The following ANK2 variants were observed in gnomAD, a reference collection of about 807,000 sequenced individuals.
ANK2 encodes ankyrin 2, also known as ankyrin-2.
Under a neutral mutation model 360.5 loss-of-function variants are expected in ANK2, and 83 were observed. The observed-to-expected ratio is 0.23, with a 90% confidence interval of 0.19 to 0.28. The LOEUF (loss-of-function observed/expected upper bound fraction) is 0.28, where lower values mean the gene tolerates loss of function less well. ANK2 is among the 10% of genes least tolerant of loss of function. ANK2 has a pLI of 1.00. For synonymous variants in ANK2, 1,740 were observed against 1,759.5 expected, an observed-to-expected ratio of 0.99 and a Z score of 0.28; for missense variants, 4,201 against 4,795.7, an observed-to-expected ratio of 0.88 and a Z score of 3.66.
chr4:112,742,150 C>T, the ANK2 span, among the ~76,000 whole-genome samples: 1 of 152,032 alleles, frequency 6.6e-6, no homozygotes, highest in Non-Finnish European at 1.5e-5. Context: ...GGCAGGGTGG[C>T]ATGTACCTTA....
intron 2 of ANK2, 59 bp downstream of exon 2, chr4:113,174,576 A>G (rs1383272977): frequency 2.2e-5 from 27 of 1,222,602 alleles, no homozygotes; most frequent in Non-Finnish European, 3.2e-5. Context: ...TTACATTCTC[A>G]GAGCCCAAGA....
chr4:113,332,717 T>C (rs1235135350), intron 28 of ANK2, among the ~76,000 whole-genome samples: 3 of 152,252 alleles, frequency 2.0e-5, no homozygotes, highest in Non-Finnish European at 4.4e-5. Flanking sequence ...GAAAATGTTT[T>C]AGGAGATTGG....
At chr4:112,716,979 C>T in the ANK2 span, among the ~76,000 whole-genome samples, 27 of 152,154 alleles carry the variant, frequency 1.8e-4, no homozygotes, top group Non-Finnish European at 1.8e-4. Flanking sequence ...TCAAGTGCTA[C>T]ATCTGGAATT....
the ANK2 span, among the ~76,000 whole-genome samples, chr4:112,757,087 C>A: frequency 6.6e-6 from 1 of 151,562 alleles, no homozygotes; most frequent in East Asian, 1.9e-4. Context: ...TCATTTCTCT[C>A]AATGACAGCA....
At chr4:112,830,363 C>T (rs1480764311) in intron 1 of ANK2, among the ~76,000 whole-genome samples, 8 of 152,090 alleles carry the variant, frequency 5.3e-5, no homozygotes, top group Non-Finnish European at 1.0e-4. Flanking sequence ...TAGATGGAGC[C>T]GGAGGCCATT....
At chr4:112,829,940 C>G (rs1162347671) in intron 1 of ANK2, among the ~76,000 whole-genome samples, 1 of 150,500 alleles carries the variant, frequency 6.6e-6, no homozygotes, top group Non-Finnish European at 1.5e-5. Context: ...GCCTGGATAA[C>G]AGAGTAAGAC....
intron 2 of ANK2, among the ~76,000 whole-genome samples, chr4:112,994,289 C>A (rs1467858206): frequency 6.6e-6 from 1 of 152,172 alleles, no homozygotes; most frequent in Non-Finnish European, 1.5e-5. Context: ...AACATTTTTA[C>A]AGATTCTATA....
Position 113,066,416 on chromosome 4 carries a change from G to A in ANK2, c.84+16604G>A, listed in dbSNP as rs78037372. Among the ~76,000 whole-genome samples, 437 of 152,208 alleles carry A rather than the reference G, an allele frequency of 2.9e-3. 9 individuals are homozygous for A. In the South Asian group the frequency reaches 0.05, roughly 17 times the overall value. The stretch of plus-strand genomic sequence containing the variant: ...GAATGCCTTTTAATGACCAGACACC[G>A]TGCCAAATACAAGATACAAAAATGA... On this transcript the variant is annotated intron_variant, in intron 1 of 45. Coordinates refer to ENST00000357077, the MANE Select transcript of ANK2 (RefSeq NM_001148.6).
At chr4:113,097,571 C>G (rs2091619947) in intron 1 of ANK2, among the ~76,000 whole-genome samples, 1 of 151,998 alleles carries the variant, frequency 6.6e-6, no homozygotes, top group Non-Finnish European at 1.5e-5. Context: ...AAAGCTACTG[C>G]TTTTGGTACA....
chr4:113,004,893 T>C (rs943566776), intron 2 of ANK2, among the ~76,000 whole-genome samples: 1 of 152,206 alleles, frequency 6.6e-6, no homozygotes, highest in Admixed American at 6.5e-5. Flanking sequence ...CTGCCATATA[T>C]AGTGTCCATC....
intron 1 of ANK2, among the ~76,000 whole-genome samples, chr4:113,162,407 A>G (rs918135233): frequency 6.6e-6 from 1 of 151,966 alleles, no homozygotes; most frequent in African/African-American, 2.4e-5. Flanking sequence ...GCCCTACTTT[A>G]CTTTTAGAGT....
intron 26 of ANK2, among the ~76,000 whole-genome samples, chr4:113,323,023 T>G (rs1339680167): frequency 1.3e-5 from 2 of 152,174 alleles, no homozygotes; most frequent in Non-Finnish European, 2.9e-5. Context: ...TGTATACTTT[T>G]GTATGTCATT....
chr4:112,872,236 C>A (rs373729822), intron 1 of ANK2, among the ~76,000 whole-genome samples: 1 of 152,000 alleles, frequency 6.6e-6, no homozygotes, highest in South Asian at 2.1e-4. Context: ...TGCTACGTTG[C>A]CTAGGCTGGT....
intron 1 of ANK2, among the ~76,000 whole-genome samples, chr4:113,086,651 C>CA (rs559826229): frequency 2.6e-5 from 4 of 152,034 alleles, no homozygotes; most frequent in Admixed American, 6.6e-5. Context: ...AACAAACAAA[C>CA]AAAAAAACCA....
At chr4:112,923,778 T>TA in intron 2 of ANK2, among the ~76,000 whole-genome samples, 2 of 152,202 alleles carry the variant, frequency 1.3e-5, no homozygotes, top group South Asian at 4.1e-4. Flanking sequence ...GATATTGGAA[T>TA]AGAGAGGAAG....
At chr4:113,374,374 T>C (rs1286357998) in intron 45 of ANK2, among the ~76,000 whole-genome samples, 1 of 152,266 alleles carries the variant, frequency 6.6e-6, no homozygotes, top group Non-Finnish European at 1.5e-5. Flanking sequence ...AATCTACTTT[T>C]CAGTTTCTCA....
At chr4:113,118,215 G>C (rs1446684452) in intron 1 of ANK2, among the ~76,000 whole-genome samples, 1 of 152,118 alleles carries the variant, frequency 6.6e-6, no homozygotes, top group East Asian at 1.9e-4. Context: ...GATCTATAAA[G>C]AAAGACCTCT....
intron 4 of ANK2, 150 bp downstream of exon 4, chr4:113,199,259 T>C: frequency 1.5e-6 from 1 of 665,332 alleles, no homozygotes; most frequent in Admixed American, 2.8e-5. Context: ...TATTAACCTT[T>C]ATGATGAAGC....
Position 113,352,435 on chromosome 4 carries a change from A to G in ANK2, c.4427-610A>G, listed in dbSNP as rs537494991. Among the ~76,000 whole-genome samples the G allele has an allele frequency of 6.6e-5, 10 of 152,310 alleles. No individual in the cohort carries two copies. In the East Asian group the frequency reaches 1.9e-3, roughly 29 times the overall value. On this transcript the variant is annotated intron_variant, in intron 37 of 45. Coordinates refer to ENST00000357077, the MANE Select transcript of ANK2 (RefSeq NM_001148.6). Reference sequence around the variant, plus strand: ...TAGGTGTGAATTTCCCTTAGATGAAATGCCGGTTTGCAGCTGATTCAGATG... The same window carrying G: ...TAGGTGTGAATTTCCCTTAGATGAAGTGCCGGTTTGCAGCTGATTCAGATG...
Sources: allele counts gnomAD v4.1 joint callset (sites outside exome capture counted in the v4.1 genomes callset), GRCh38; gene constraint gnomAD v4.1.1; transcripts MANE v1.5; gene names NCBI Gene and HGNC (gene_info 2026-07-23, HGNC 2026-07-21).